Variants in TPH2 observed in about 807,000 individuals in gnomAD.
TPH2 encodes tryptophan hydroxylase 2, also known as tryptophan 5-hydroxylase 2.
TPH2 carries 27 observed loss-of-function variants against 59.1 expected under a neutral mutation model. That is an observed-to-expected ratio of 0.46 (90% CI 0.34 to 0.63). The LOEUF (loss-of-function observed/expected upper bound fraction) is 0.63, where lower values mean the gene tolerates loss of function less well. Among genes scored for constraint, TPH2 ranks in the 30% least tolerant of loss-of-function variants. The probability of loss-of-function intolerance (pLI) is 0.01; values close to 1 mark genes in which losing one functional copy is unlikely to be tolerated. For synonymous variants in TPH2, 220 were observed against 210.5 expected (o/e 1.05, Z -0.39); for missense variants, 523 against 588.3 (o/e 0.89, Z 1.15).
intron 4 of TPH2, among the ~76,000 whole-genome samples, chr12:71,945,514 T>C (rs1028912783): frequency 2.0e-5 from 3 of 152,096 alleles, no homozygotes; most frequent in Non-Finnish European, 4.4e-5. Flanking sequence ...ACAGGGTGCC[T>C]CTGTGGTCTG....
chr12:72,008,786 G>A (rs1828958503), intron 8 of TPH2, among the ~76,000 whole-genome samples: 1 of 152,006 alleles, frequency 6.6e-6, no homozygotes, highest in African/African-American at 2.4e-5. Flanking sequence ...AGGGTGTTAG[G>A]GTAAGTTGTG....
Position 71,962,600 on chromosome 12 carries a change from C to T in TPH2, c.609-9919C>T. The stretch of plus-strand genomic sequence containing the variant: ...TGCATAGTAATTGAAATATATGAGG[C>T]AAGACAAATACATACCTGCCAGACT... On this transcript the variant is annotated intron_variant, in intron 5 of 10. Coordinates refer to ENST00000333850, the MANE Select transcript of TPH2 (RefSeq NM_173353.4). 3.0e-6 allele frequency: 3 copies of T among 985,346 alleles called. 1 individual carries two copies. The highest frequency in any genetic ancestry group is 4.7e-5 in the South Asian group (1 of 21,288). 61.0% of individuals were successfully genotyped at this position (985,346 alleles called of 1,614,324 possible).
intron 1 of TPH2, among the ~76,000 whole-genome samples, chr12:71,939,708 G>A (rs1181798313): frequency 1.3e-5 from 2 of 152,130 alleles, no homozygotes; most frequent in South Asian, 2.1e-4. Context: ...ACTTGCTATA[G>A]TATTTAAGGG....
intron 8 of TPH2, among the ~76,000 whole-genome samples, chr12:72,010,796 C>T (rs914515814): frequency 2.2e-4 from 34 of 152,158 alleles, no homozygotes; most frequent in African/African-American, 7.0e-4. Context: ...TACTAGCATT[C>T]GAGAGCTGAC....
intron 8 of TPH2, among the ~76,000 whole-genome samples, chr12:72,014,369 T>A (rs1446196790): frequency 1.3e-5 from 2 of 150,540 alleles, no homozygotes; most frequent in African/African-American, 4.9e-5. Context: ...TGAAGCCTAG[T>A]CCCAGAATTT....
chr12:71,998,424 T>G (rs1872745779), intron 8 of TPH2, among the ~76,000 whole-genome samples: 2 of 152,012 alleles, frequency 1.3e-5, no homozygotes. Context: ...ATACTAAAAC[T>G]GCTATTGACT....
intron 4 of TPH2, among the ~76,000 whole-genome samples, chr12:71,945,024 G>A (rs1367521615): frequency 6.6e-6 from 1 of 152,184 alleles, no homozygotes; most frequent in Non-Finnish European, 1.5e-5. Context: ...AATTGATCAT[G>A]CCTCTGGGAA....
chr12:72,028,268 G>A (rs943739549), intron 9 of TPH2, among the ~76,000 whole-genome samples: 1 of 152,164 alleles, frequency 6.6e-6, no homozygotes, highest in African/African-American at 2.4e-5. Flanking sequence ...CAGAATCACT[G>A]CAGAGTTCCC....
chr12:71,978,930 G>A, intron 6 of TPH2, 22 bp from the exon 7 acceptor site: 1 of 1,614,014 alleles, frequency 6.2e-7, no homozygotes, highest in Non-Finnish European at 8.5e-7. Context: ...TATTTAGTTG[G>A]CTTTTTCTGT....
intron 4 of TPH2, 150 bp downstream of exon 4, chr12:71,944,836 G>A (rs1301424147): frequency 1.2e-6 from 1 of 801,960 alleles, no homozygotes; most frequent in South Asian, 1.5e-5. Context: ...AAATGATAAA[G>A]CTTCCCTGTA....
At chr12:71,957,327 A>ATTTTTTTTTTTTTTT (rs35425528) in intron 5 of TPH2, among the ~76,000 whole-genome samples, 5 of 95,598 alleles carry the variant, frequency 5.2e-5, no homozygotes, top group Non-Finnish European at 5.8e-5. Context: ...TGAGTAAAGG[A>ATTTTTTTTTTTTTTT]TTTTTTTTTT....
chr12:72,026,686 G>T (rs367822341), intron 9 of TPH2, among the ~76,000 whole-genome samples: 2 of 152,154 alleles, frequency 1.3e-5, no homozygotes, highest in South Asian at 2.1e-4. Context: ...AATGCTGGAC[G>T]TTGGGAGCTG....
At chr12:72,031,116 G>C (rs1325378947) in intron 9 of TPH2, 142 bp from the exon 10 acceptor site, 42 of 1,144,264 alleles carry the variant, frequency 3.7e-5, no homozygotes, top group Non-Finnish European at 5.1e-5. Flanking sequence ...GCACACAGGA[G>C]AGTTCCATAT....
At position 71,989,785 on chromosome 12, in the gene TPH2, A is replaced by G. The variant is rs534623074; in HGVS notation, c.942-4654A>G. On this transcript the variant is annotated intron_variant, in intron 7 of 10. Transcript: ENST00000333850. ...AGAACCCTTATTTCTTCATAGCAAAATGATGGCTACTTTCTTGGACTGAGT... is the reference window on the plus strand; with the variant it reads ...AGAACCCTTATTTCTTCATAGCAAAGTGATGGCTACTTTCTTGGACTGAGT... Among the ~76,000 whole-genome samples, 14 of 152,356 alleles carry G rather than the reference A, an allele frequency of 9.2e-5. No homozygotes were observed. In the South Asian group the frequency reaches 1.2e-3, roughly 14 times the overall value.
chr12:71,978,943 C>T lies in TPH2; in HGVS notation c.806-9C>T. 1 of 1,614,104 alleles carries T rather than the reference C, an allele frequency of 6.2e-7. No homozygotes were observed. Among genetic ancestry groups the T allele is most frequent in the Admixed American group, 1.7e-5 (1 of 60,014 alleles). On this transcript the variant is annotated splice_polypyrimidine_tract_variant and intron_variant, in intron 6 of 10. Transcript: ENST00000333850. The stretch of plus-strand genomic sequence containing the variant: ...AATATTTAGTTGGCTTTTTCTGTTG[C>T]CTTTTTAGAAAGGTCTGGCTTCACG...
intron 6 of TPH2, among the ~76,000 whole-genome samples, chr12:71,976,710 T>C (rs1329085005): frequency 6.6e-6 from 1 of 152,204 alleles, no homozygotes; most frequent in East Asian, 1.9e-4. Context: ...TGAGGAGGCC[T>C]GAGAACAGGT....
chr12:71,975,575 G>A (rs565615759), intron 6 of TPH2, among the ~76,000 whole-genome samples: 11 of 152,016 alleles, frequency 7.2e-5, no homozygotes, highest in Non-Finnish European at 1.6e-4. Flanking sequence ...TCTCTTTACC[G>A]TTGCTTAAAC....
intron 2 of TPH2, among the ~76,000 whole-genome samples, chr12:71,944,093 C>T (rs914432130): frequency 6.6e-6 from 1 of 152,034 alleles, no homozygotes; most frequent in African/African-American, 2.4e-5. Flanking sequence ...ACAACCTATA[C>T]ACAGAAGTAT....
At chr12:71,990,228 C>T (rs774768148) in intron 7 of TPH2, among the ~76,000 whole-genome samples, 4 of 152,148 alleles carry the variant, frequency 2.6e-5, no homozygotes, top group African/African-American at 4.8e-5. Flanking sequence ...GAACTCACAT[C>T]GGGAACCTGT....
Sources: gnomAD v4.1 joint callset for allele counts (sites outside exome capture counted in the v4.1 genomes callset) on GRCh38, gnomAD v4.1.1 for gene constraint, MANE v1.5 for transcripts, NCBI Gene and HGNC (gene_info 2026-07-23, HGNC 2026-07-21) for gene names.